Variants in GINM1 observed in about 807,000 individuals in gnomAD.
The protein encoded by GINM1 is glycoprotein integral membrane protein 1.
Under a neutral mutation model 37.8 loss-of-function variants are expected in GINM1, and 29 were observed. The ratio of observed to expected loss-of-function variants is 0.77; its 90% CI spans 0.57 to 1.05. GINM1 has a LOEUF of 1.05. GINM1 is among the 50% of genes least tolerant of loss of function. The pLI is 0.00. For synonymous variants in GINM1, 143 were observed against 146.2 expected (o/e 0.98, Z 0.16); for missense variants, 377 against 397.9 (o/e 0.95, Z 0.45).
chr6:149,584,089 C>T (rs868411442), intron 7 of GINM1, among the ~76,000 whole-genome samples: 2 of 152,220 alleles, frequency 1.3e-5, no homozygotes, highest in East Asian at 1.9e-4. Context: ...GATTCTCCTG[C>T]CTCAGCCTCC....
At chr6:149,578,681 A>G in intron 3 of GINM1, 141 bp from the exon 4 acceptor site, 3 of 549,574 alleles carry the variant, frequency 5.5e-6, no homozygotes, top group South Asian at 3.0e-5. Flanking sequence ...CTGAAACAGC[A>G]TTGAGGTCAG....
Position 149,590,444 on chromosome 6 carries a change from G to A in GINM1, c.882-283G>A, listed in dbSNP as rs181488208. Among the ~76,000 whole-genome samples, 334 of 152,252 alleles carry A rather than the reference G, an allele frequency of 2.2e-3. 1 individual carries two copies. Among genetic ancestry groups the A allele is most frequent in the African/African-American group, 7.6e-3 (316 of 41,550 alleles). ...CTTAGGCTTTTTGCTCAGCCTGGGT[G>A]TATCTAGGAACCTAACTCTGCCTTG... On this transcript the variant is annotated intron_variant, in intron 7 of 7. Transcript: ENST00000367419.
At chr6:149,567,876 C>T (rs573321853) in intron 1 of GINM1, among the ~76,000 whole-genome samples, 114 of 152,246 alleles carry the variant, frequency 7.5e-4, no homozygotes, top group African/African-American at 2.7e-3. Context: ...TGAAATAGTT[C>T]TAAAAAGTTC....
chr6:149,588,925 T>C (rs555315847), intron 7 of GINM1, among the ~76,000 whole-genome samples: 1 of 152,194 alleles, frequency 6.6e-6, no homozygotes, highest in East Asian at 1.9e-4. Context: ...TGCCTCAGCC[T>C]CCTGAATAGC....
chr6:149,567,310 T>C (rs1448706815), intron 1 of GINM1, among the ~76,000 whole-genome samples: 1 of 152,086 alleles, frequency 6.6e-6, no homozygotes, highest in Non-Finnish European at 1.5e-5. Flanking sequence ...TTCAGTAGAA[T>C]GGTAGGGAAA....
At position 149,566,939 on chromosome 6, in the gene GINM1, A is replaced by G. The variant is rs1777729498; in HGVS notation, c.120+405A>G. On this transcript the variant is annotated intron_variant, in intron 1 of 7. Transcript: ENST00000367419. This position sits in a 1 kb window ranked among gnomAD's most constrained non-coding sequence, Gnocchi z 4.4. Reference sequence around the variant, plus strand: ...AGTGTGGAAGTTGCCCACTTCGCGCATTTCCAGGCCACTTGTGCCTGCTCG... The same window carrying G: ...AGTGTGGAAGTTGCCCACTTCGCGCGTTTCCAGGCCACTTGTGCCTGCTCG... Among the ~76,000 whole-genome samples, 1 of 152,156 alleles carries G rather than the reference A, an allele frequency of 6.6e-6. No individual in the cohort carries two copies. Among genetic ancestry groups the G allele is most frequent in the Non-Finnish European group, 1.5e-5 (1 of 68,028 alleles).
intron 4 of GINM1, among the ~76,000 whole-genome samples, chr6:149,579,386 C>T (rs539465930): frequency 1.5e-3 from 225 of 152,144 alleles, no homozygotes; most frequent in Non-Finnish European, 2.3e-3. Flanking sequence ...AGTGGGAGTA[C>T]GGGGAAATAA....
chr6:149,577,738 C>T (rs1288075479), intron 3 of GINM1, among the ~76,000 whole-genome samples: 1 of 152,106 alleles, frequency 6.6e-6, no homozygotes, highest in African/African-American at 2.4e-5. Flanking sequence ...ATCTGGATTC[C>T]TGTTTGGCAA....
At chr6:149,572,656 G>GTTA in intron 3 of GINM1, 53 bp downstream of exon 3, 1 of 1,043,582 alleles carries the variant, frequency 9.6e-7, no homozygotes, top group Non-Finnish European at 1.5e-6. Context: ...TGTGTTTGTT[G>GTTA]TTGTTGTTGT....
intron 3 of GINM1, among the ~76,000 whole-genome samples, chr6:149,575,231 G>A (rs1777896208): frequency 6.6e-6 from 1 of 152,078 alleles, no homozygotes; most frequent in Non-Finnish European, 1.5e-5. Context: ...TTGTGCCCTG[G>A]TTGTCATTTT....
chr6:149,580,516 G>T, intron 5 of GINM1, 77 bp from the exon 6 acceptor site: 1 of 1,278,390 alleles, frequency 7.8e-7, no homozygotes, highest in South Asian at 1.4e-5. Flanking sequence ...TATCCTAAAT[G>T]CTATTGGTAT....
chr6:149,582,409 C>G (rs1436005169), intron 6 of GINM1, 31 bp from the exon 7 acceptor site: 7 of 1,571,348 alleles, frequency 4.5e-6, no homozygotes, highest in Non-Finnish European at 6.0e-6. Context: ...ATTGATGCAA[C>G]TTGCATATCT....
intron 1 of GINM1, among the ~76,000 whole-genome samples, chr6:149,571,149 T>TA (rs1777815198): frequency 6.6e-6 from 1 of 151,956 alleles, no homozygotes; most frequent in African/African-American, 2.4e-5. Flanking sequence ...CCCCCGTCTC[T>TA]ACTAAAAATA....
At chr6:149,569,431 C>T (rs1461348502) in intron 1 of GINM1, among the ~76,000 whole-genome samples, 5 of 151,422 alleles carry the variant, frequency 3.3e-5, no homozygotes, top group East Asian at 1.9e-4. Flanking sequence ...CTCTGCCTCC[C>T]GGGTTCCAGC....
chr6:149,566,404 G>C lies in GINM1; in HGVS notation c.-11G>C. The C allele has an allele frequency of 6.4e-7, 1 of 1,555,916 alleles. No individual in the cohort carries two copies. Among genetic ancestry groups the C allele is most frequent in the African/African-American group, 1.4e-5 (1 of 70,686 alleles). ...CCCGGCCGCGGCTGCCCTCTGCCCG[G>C]GTTGTCCAAGATGGAGGGCGCTCCA... On this transcript the variant is annotated 5_prime_UTR_variant, in exon 1 of 8. Coordinates refer to ENST00000367419, the MANE Select transcript of GINM1 (RefSeq NM_138785.5). The surrounding 1 kb of genome is among the most constrained non-coding windows in gnomAD (Gnocchi z 4.4).
At chr6:149,581,575 TATCTC>T (rs1232658185) in intron 6 of GINM1, among the ~76,000 whole-genome samples, 19 of 152,238 alleles carry the variant, frequency 1.2e-4, no homozygotes, top group Non-Finnish European at 2.8e-4. Flanking sequence ...TGTAAAGTAG[TATCTC>T]ATGAAGTTGT....
intron 7 of GINM1, among the ~76,000 whole-genome samples, chr6:149,585,442 ATTG>A (rs1359497641): frequency 6.6e-6 from 1 of 152,058 alleles, no homozygotes; most frequent in African/African-American, 2.4e-5. Context: ...ATCAACTCAG[ATTG>A]TTAATTGTTC....
rs924370563 is a variant in GINM1 at position 149,590,770 on chromosome 6, G to A, written c.925G>A (p.Ala309Thr). 3.7e-6 allele frequency: 6 copies of A among 1,604,098 alleles called. No homozygotes were observed. The highest frequency in any genetic ancestry group is 5.1e-6 in the Non-Finnish European group (6 of 1,171,368). The change falls in exon 8 of 8, where the codon GCT becomes ACT. Residue 309 changes from alanine (A) to threonine (T), a missense_variant. Ala to Thr is a moderately conservative substitution (Grantham distance 58). Transcript: ENST00000367419. ...LDKVDVIPVT[A>T]INLYPDGPEK... ...TAAAGTGGACGTCATACCTGTGACA[G>A]CTATCAACTTATATCCAGATGGTCC...
intron 1 of GINM1, among the ~76,000 whole-genome samples, chr6:149,568,958 A>T (rs1248808161): frequency 2.0e-5 from 3 of 149,550 alleles, no homozygotes; most frequent in African/African-American, 7.4e-5. Flanking sequence ...CAGCCTCCTG[A>T]GTAGCTGGTA....
Sources: gnomAD v4.1 joint callset for allele counts (sites outside exome capture counted in the v4.1 genomes callset) on GRCh38, gnomAD v4.1.1 for gene constraint, Gnocchi (gnomAD v3.1) non-coding constraint, MANE v1.5 for transcripts, NCBI Gene and HGNC (gene_info 2026-07-23, HGNC 2026-07-21) for gene names.